TMEM132D: variants seen among roughly 807,000 people sequenced by gnomAD.
TMEM132D encodes the protein transmembrane protein 132D.
A neutral mutation model predicts 62.3 loss-of-function variants in TMEM132D; 21 were observed. The observed-to-expected ratio is 0.34, with a 90% CI of 0.24 to 0.49. TMEM132D has a LOEUF of 0.49. Among genes scored for constraint, TMEM132D ranks in the 20% least tolerant of loss-of-function variants. The pLI is 0.99. For missense variants in TMEM132D, 1,346 were observed against 1,402.8 expected (o/e 0.96, Z 0.65); for synonymous variants, 621 against 575.6 (o/e 1.08, Z -1.13).
chr12:129,145,342 A>G (rs1876862520), intron 5 of TMEM132D, among the ~76,000 whole-genome samples: 1 of 152,116 alleles, frequency 6.6e-6, no homozygotes, highest in South Asian at 2.1e-4. Context: ...CCTAGAGTAC[A>G]GGTTTTTTAC....
At chr12:129,757,321 CT>C (rs960185365) in intron 1 of TMEM132D, among the ~76,000 whole-genome samples, 4 of 152,060 alleles carry the variant, frequency 2.6e-5, no homozygotes, top group African/African-American at 9.7e-5. Flanking sequence ...TATGAGATGT[CT>C]TTTTTTCCCC....
chr12:129,432,492 C>A (rs554363209), intron 3 of TMEM132D, among the ~76,000 whole-genome samples: 67 of 152,320 alleles, frequency 4.4e-4, no homozygotes, highest in African/African-American at 1.3e-3. Flanking sequence ...CAGTCATTTG[C>A]CAAATACGGG....
intron 1 of TMEM132D, among the ~76,000 whole-genome samples, chr12:129,805,317 C>T (rs1255920452): frequency 6.6e-6 from 1 of 152,086 alleles, no homozygotes; most frequent in African/African-American, 2.4e-5. Flanking sequence ...GTAACCAAAA[C>T]AGCATGGTAC....
intron 2 of TMEM132D, among the ~76,000 whole-genome samples, chr12:129,571,292 G>A (rs114869104): frequency 0.014 from 2,175 of 152,256 alleles, 57 homozygotes; most frequent in African/African-American, 0.05. Context: ...AAGGCCGGGC[G>A]TGGTGGTTCA....
At chr12:129,877,048 C>T (rs942768999) in intron 1 of TMEM132D, among the ~76,000 whole-genome samples, 9 of 152,052 alleles carry the variant, frequency 5.9e-5, no homozygotes, top group Admixed American at 3.3e-4. Context: ...AACTTCTATC[C>T]GTGAAGAAGA....
intron 5 of TMEM132D, among the ~76,000 whole-genome samples, chr12:129,126,365 T>A (rs1186842688): frequency 3.9e-5 from 6 of 152,000 alleles, no homozygotes; most frequent in African/African-American, 1.5e-4. Context: ...TCTCTTTTTT[T>A]TTTTTTTTAG....
chr12:129,305,638 A>T (rs1003849212), intron 4 of TMEM132D, among the ~76,000 whole-genome samples: 1 of 152,248 alleles, frequency 6.6e-6, no homozygotes, highest in Admixed American at 6.5e-5. Context: ...ATGAAAGGCT[A>T]CATGCTATGA....
chr12:129,432,009 C>T (rs145941226), intron 3 of TMEM132D, among the ~76,000 whole-genome samples: 102 of 152,358 alleles, frequency 6.7e-4, no homozygotes, highest in African/African-American at 2.4e-3. Context: ...TCCCCTATCA[C>T]TTGATACAAC....
At chr12:129,612,989 A>G (rs1449877345) in intron 2 of TMEM132D, among the ~76,000 whole-genome samples, 1 of 152,238 alleles carries the variant, frequency 6.6e-6, no homozygotes, top group Non-Finnish European at 1.5e-5. Flanking sequence ...CCTGAATTTC[A>G]GAAATCCCTC....
intron 3 of TMEM132D, among the ~76,000 whole-genome samples, chr12:129,516,332 AC>A (rs1875673672): frequency 6.6e-6 from 1 of 152,164 alleles, no homozygotes; most frequent in African/African-American, 2.4e-5. Context: ...ACCTAGTTCC[AC>A]CATGTATTAG....
At chr12:129,733,300 C>G (rs1271020761) in intron 1 of TMEM132D, among the ~76,000 whole-genome samples, 1 of 152,136 alleles carries the variant, frequency 6.6e-6, no homozygotes, top group Non-Finnish European at 1.5e-5. Flanking sequence ...CCTGTAGGGT[C>G]AGTGCTAACT....
chr12:129,404,911 T>A (rs532364310), intron 3 of TMEM132D, among the ~76,000 whole-genome samples: 2 of 152,188 alleles, frequency 1.3e-5, no homozygotes, highest in East Asian at 1.9e-4. Flanking sequence ...CTGACTTGCA[T>A]GCTAAAAAGA....
chr12:129,723,477 G>A (rs560769715), intron 1 of TMEM132D, among the ~76,000 whole-genome samples: 1 of 152,312 alleles, frequency 6.6e-6, no homozygotes, highest in East Asian at 1.9e-4. Context: ...GCCAATGAGA[G>A]GAACCAGCAG....
intron 3 of TMEM132D, among the ~76,000 whole-genome samples, chr12:129,406,346 C>T (rs114032534): frequency 0.015 from 2,253 of 152,220 alleles, 61 homozygotes; most frequent in African/African-American, 0.052. Flanking sequence ...GTGGGCTGGG[C>T]GTGGTGGCTT....
At chr12:129,385,775 T>C (rs76255836) in intron 3 of TMEM132D, among the ~76,000 whole-genome samples, 217 of 152,322 alleles carry the variant, frequency 1.4e-3, no homozygotes, top group African/African-American at 4.8e-3. Flanking sequence ...TGCTGCATAT[T>C]TTATGACTGA....
chr12:129,447,564 T>C (rs1873137035), intron 3 of TMEM132D, among the ~76,000 whole-genome samples: 3 of 152,174 alleles, frequency 2.0e-5, no homozygotes, highest in South Asian at 4.1e-4. Context: ...ACATCTTGTA[T>C]GGAACAAAGC....
At chr12:129,720,779 C>A in intron 1 of TMEM132D, among the ~76,000 whole-genome samples, 1 of 152,188 alleles carries the variant, frequency 6.6e-6, no homozygotes, top group Non-Finnish European at 1.5e-5. Context: ...ATCTGGGATT[C>A]CACAGAGATG....
At chr12:129,617,277 T>C (rs1457031572) in intron 2 of TMEM132D, among the ~76,000 whole-genome samples, 2 of 152,174 alleles carry the variant, frequency 1.3e-5, no homozygotes, top group Non-Finnish European at 2.9e-5. Flanking sequence ...TAAAGGATCC[T>C]AAAAACAGAA....
Position 129,081,921 on chromosome 12 carries a change from C to T in TMEM132D, c.1761G>A (p.Ala587=), listed in dbSNP as rs150169563. The change falls in exon 7 of 9, where the codon GCG becomes GCA. Residue 587 remains alanine, a synonymous_variant. Transcript: ENST00000422113. ...VRVLTQFVAE[A]AGPGGHLAHL... ...GGGCCAGGTGTCCCCCAGGGCCGGCCGCCTCAGCCACAAACTGCGTCAGGA... is the reference window on the plus strand; with the variant it reads ...GGGCCAGGTGTCCCCCAGGGCCGGCTGCCTCAGCCACAAACTGCGTCAGGA... 21 of 1,614,054 alleles carry T rather than the reference C, an allele frequency of 1.3e-5. No individual in the cohort carries two copies. Among genetic ancestry groups the T allele is most frequent in the South Asian group, 7.7e-5 (7 of 91,086 alleles).
Sources: gnomAD v4.1 joint callset for allele counts (sites outside exome capture counted in the v4.1 genomes callset) on GRCh38, gnomAD v4.1.1 for gene constraint, MANE v1.5 for transcripts, NCBI Gene and HGNC (gene_info 2026-07-23, HGNC 2026-07-21) for gene names.